Variants in PLXNC1 observed in about 807,000 individuals in gnomAD.
PLXNC1 encodes plexin-C1.
A neutral mutation model predicts 178.2 loss-of-function variants in PLXNC1; 75 were observed. The observed-to-expected ratio is 0.42, with a 90% confidence interval of 0.35 to 0.51. The LOEUF (loss-of-function observed/expected upper bound fraction) is 0.51, where lower values mean the gene tolerates loss of function less well. Ranked by LOEUF, PLXNC1 falls within the 20% of genes least tolerant of loss-of-function variation. PLXNC1 has a pLI of 0.02. For synonymous variants in PLXNC1, 790 were observed against 779.9 expected (o/e 1.01, Z -0.22); for missense variants, 1,503 against 1,984.4 (o/e 0.76, Z 4.61).
chr12:94,184,178 G>A lies in PLXNC1; in HGVS notation c.1339-2195G>A, dbSNP rs576976812. 7.9e-5 allele frequency among the ~76,000 whole-genome samples: 12 copies of A among 151,028 alleles called. No individual in the cohort carries two copies. The East Asian group carries it at 9.8e-4, about 12-fold the overall frequency. On this transcript the variant is annotated intron_variant, in intron 3 of 30. Coordinates refer to ENST00000258526, the MANE Select transcript of PLXNC1 (RefSeq NM_005761.3). ...GTCACCCAGCCTGGAGTGCAGTGGCGCAATCTCAGCTCACTGCAACCTCCG... is the reference window on the plus strand; with the variant it reads ...GTCACCCAGCCTGGAGTGCAGTGGCACAATCTCAGCTCACTGCAACCTCCG...
chr12:94,216,508 G>A (rs1963649310), intron 5 of PLXNC1, among the ~76,000 whole-genome samples: 1 of 152,140 alleles, frequency 6.6e-6, no homozygotes, highest in Admixed American at 6.5e-5. Flanking sequence ...GCGATAATAA[G>A]CTATGCTAAC....
chr12:94,274,015 C>A (rs995892905), intron 21 of PLXNC1, among the ~76,000 whole-genome samples: 1 of 151,930 alleles, frequency 6.6e-6, no homozygotes, highest in Non-Finnish European at 1.5e-5. Flanking sequence ...GCTACTCCCC[C>A]TTTTGTTTGG....
chr12:94,287,117 C>T (rs1966853575), intron 23 of PLXNC1, among the ~76,000 whole-genome samples: 2 of 152,222 alleles, frequency 1.3e-5, no homozygotes, highest in South Asian at 4.1e-4. Flanking sequence ...GAGGCAGGTG[C>T]TTTCCTTACT....
chr12:94,195,669 A>G (rs1267513086), intron 4 of PLXNC1, among the ~76,000 whole-genome samples: 1 of 152,202 alleles, frequency 6.6e-6, no homozygotes. Context: ...CCATGTTGAC[A>G]GTTGGAAGAC....
At chr12:94,279,928 C>T in intron 22 of PLXNC1, 1 of 559,408 alleles carries the variant, frequency 1.8e-6, no homozygotes, top group Non-Finnish European at 3.3e-6. Context: ...AGATTGCAGG[C>T]CCTGAGACTG....
In PLXNC1 at chr12:94,240,491, G is replaced by A. The variant is rs766397776; in HGVS notation, c.2127G>A (p.Gln709=). ...GTSTCDKDVI[Q]VSHVLNDTHM... ...TTTTTCTACTCTTTTCTAGGATACA[G>A]GTTAGCCATGTGCTAAATGACACCC... is the stretch of plus-strand genomic sequence containing the variant. The change falls in exon 11 of 31, where the codon CAG becomes CAA. Residue 709 remains glutamine, a synonymous_variant. Transcript: ENST00000258526. 4 of 1,613,176 alleles carry A rather than the reference G, an allele frequency of 2.5e-6. No individual in the cohort carries two copies. The highest frequency in any genetic ancestry group is 1.6e-4 in the Middle Eastern group (1 of 6,082).
intron 20 of PLXNC1, chr12:94,262,743 CA>C (rs1965031687): frequency 1.0e-6 from 1 of 985,376 alleles, no homozygotes. Flanking sequence ...TAGTGGGTGA[CA>C]GTAGCTCCGT....
intron 1 of PLXNC1, chr12:94,168,175 T>G (rs1200459179): frequency 6.6e-6 from 1 of 152,214 alleles, no homozygotes; most frequent in Admixed American, 6.5e-5. Context: ...TCAATGTGCC[T>G]TTAAAAACCT....
intron 2 of PLXNC1, among the ~76,000 whole-genome samples, chr12:94,177,553 AAAAG>A (rs1430520289): frequency 5.0e-5 from 7 of 140,150 alleles, no homozygotes; most frequent in Admixed American, 6.9e-5. Context: ...GAGAGAAAGA[AAAAG>A]AAAGAGAGAG....
intron 21 of PLXNC1, among the ~76,000 whole-genome samples, chr12:94,278,693 A>G (rs1966176492): frequency 6.6e-6 from 1 of 152,196 alleles, no homozygotes. Context: ...TTAATGCTGC[A>G]TATTAAAAAA....
chr12:94,155,337 T>C (rs1163826189), intron 1 of PLXNC1, among the ~76,000 whole-genome samples: 1 of 152,204 alleles, frequency 6.6e-6, no homozygotes, highest in Non-Finnish European at 1.5e-5. Flanking sequence ...TCTTGGACCC[T>C]ACACCAGACT....
In PLXNC1 at chr12:94,243,971, T is replaced by C; in HGVS notation, c.2334T>C (p.Asn778=). The C allele has an allele frequency of 6.2e-7, 1 of 1,600,374 alleles. No individual in the cohort carries two copies. The highest frequency in any genetic ancestry group is 8.6e-7 in the Non-Finnish European group (1 of 1,168,910). Residue 778 remains asparagine, a synonymous_variant, in exon 12 of 31, where the codon AAT becomes AAC. Coordinates refer to ENST00000258526, the MANE Select transcript of PLXNC1 (RefSeq NM_005761.3). ...GGQNITMMGR[N]FDVIDNLIIS... is the part of the protein sequence containing the mutation. ...AAAATATAACCATGATGGGCAGAAA[T>C]TTTGATGTAATTGACAACTTAATCA...
Position 94,300,989 on chromosome 12 carries a change from G to A in PLXNC1, c.4318G>A (p.Gly1440Ser), listed in dbSNP as rs776462415. The A allele has an allele frequency of 1.2e-5, 19 of 1,613,726 alleles. 1 individual carries two copies. The highest frequency in any genetic ancestry group is 9.9e-5 in the South Asian group (9 of 91,050). ...FDIKKTPHID[G>S]CLSVIAQAFM... ...CATTAAGAAGACACCACATATAGACGGCTGTTTGTCAGTGATTGCCCAGGC... is the reference window on the plus strand; with the variant it reads ...CATTAAGAAGACACCACATATAGACAGCTGTTTGTCAGTGATTGCCCAGGC... Residue 1440 changes from glycine to serine, a missense_variant, in exon 28 of 31, where the codon GGC becomes AGC. Gly to Ser is a moderately conservative substitution (Grantham distance 56). This residue lies in a region of PLXNC1 where 639 missense variants were observed against 979.7 expected (regional missense o/e 0.65). Transcript: ENST00000258526.
intron 23 of PLXNC1, among the ~76,000 whole-genome samples, chr12:94,287,985 T>C (rs1440346672): frequency 6.6e-6 from 1 of 152,202 alleles, no homozygotes; most frequent in African/African-American, 2.4e-5. Context: ...GTTCCTTCAC[T>C]GATGCCTCAA....
In PLXNC1 at chr12:94,181,549, A is replaced by G; in HGVS notation, c.1307A>G (p.Asn436Ser). 6.2e-7 allele frequency: 1 copy of G among 1,608,712 alleles called. No homozygotes were observed. Among genetic ancestry groups the G allele is most frequent in the Non-Finnish European group, 8.5e-7 (1 of 1,175,752 alleles). Residue 436 changes from asparagine to serine, a missense_variant, in exon 3 of 31, where the codon AAT becomes AGT. Asn to Ser is a conservative substitution (Grantham distance 46). Coordinates refer to ENST00000258526, the MANE Select transcript of PLXNC1 (RefSeq NM_005761.3). ...FYKLVPDPVK[N>S]IYIYLTAGKE... ...AAACTCGTTCCTGATCCTGTGAAGA[A>G]TATCTACATTTATCTAACAGCTGGG...
intron 3 of PLXNC1, among the ~76,000 whole-genome samples, chr12:94,184,292 A>ATTT (rs758076836): frequency 1.1e-4 from 15 of 142,632 alleles, no homozygotes; most frequent in African/African-American, 2.3e-4. Context: ...TAATTTTTGT[A>ATTT]TTTTTTTTTT....
intron 21 of PLXNC1, among the ~76,000 whole-genome samples, chr12:94,266,476 A>G (rs1053694299): frequency 6.6e-6 from 1 of 152,222 alleles, no homozygotes; most frequent in Non-Finnish European, 1.5e-5. Flanking sequence ...AGCTCACTAA[A>G]CACCAGTCGC....
intron 2 of PLXNC1, among the ~76,000 whole-genome samples, chr12:94,177,331 G>A (rs1962133283): frequency 6.7e-6 from 1 of 149,208 alleles, no homozygotes; most frequent in Non-Finnish European, 1.5e-5. Context: ...TTACCTTCTA[G>A]AGAGGTCTGG....
chr12:94,262,147 G>A (rs1965006255), intron 20 of PLXNC1, among the ~76,000 whole-genome samples: 1 of 152,158 alleles, frequency 6.6e-6, no homozygotes, highest in Non-Finnish European at 1.5e-5. Flanking sequence ...AGTCTCACTG[G>A]ATCAGAAGCT....
Sources: allele counts gnomAD v4.1 joint callset (sites outside exome capture counted in the v4.1 genomes callset), GRCh38; gene constraint gnomAD v4.1.1; regional missense constraint gnomAD v4.1.1; transcripts MANE v1.5; gene names NCBI Gene and HGNC (gene_info 2026-07-23, HGNC 2026-07-21).